SHANK2: variants seen among roughly 807,000 people sequenced by gnomAD.
SHANK2 encodes SH3 and multiple ankyrin repeat domains protein 2.
SHANK2 carries 43 observed loss-of-function variants against 133.7 expected under a neutral mutation model. That is an observed-to-expected ratio of 0.32 (90% confidence interval 0.25 to 0.41). The LOEUF is 0.41. SHANK2 is among the 10% of genes least tolerant of loss of function. The probability of loss-of-function intolerance (pLI) is 1.00; values close to 1 mark genes in which losing one functional copy is unlikely to be tolerated. For synonymous variants in SHANK2, 1,017 were observed against 952.8 expected, an observed-to-expected ratio of 1.07 and a Z score of -1.24; for missense variants, 1,994 against 2,235.8, an observed-to-expected ratio of 0.89 and a Z score of 2.18.
intron 17 of SHANK2, among the ~76,000 whole-genome samples, chr11:70,601,301 C>G (rs1264444261): frequency 6.6e-6 from 1 of 151,496 alleles, no homozygotes; most frequent in Non-Finnish European, 1.5e-5. Context: ...CTCACTGCAA[C>G]CTTTGCCTCC....
At position 71,175,588 on chromosome 11, in the gene SHANK2, G is replaced by GAC. The variant is rs1953423823; in HGVS notation, c.-12-28251_-12-28250insGT. On this transcript the variant is annotated intron_variant, in intron 2 of 25. Transcript: ENST00000601538. This position sits in a 1 kb window ranked among gnomAD's most constrained non-coding sequence, Gnocchi z 4.2. ...AGAGAGAGAGAGAGAGAGAGAGAGAGAGAGAGAGAGAGAGACAGAGACAGA... is the reference window on the plus strand; with the variant it reads ...AGAGAGAGAGAGAGAGAGAGAGAGAGACAGAGAGAGAGAGAGACAGAGACAGA... 6.8e-6 allele frequency among the ~76,000 whole-genome samples: 1 copy of GAC among 146,528 alleles called. No homozygotes were observed. The highest frequency in any genetic ancestry group is 1.5e-5 in the Non-Finnish European group (1 of 66,558).
chr11:70,947,007 C>T (rs898662164), intron 10 of SHANK2, among the ~76,000 whole-genome samples: 6 of 151,670 alleles, frequency 4.0e-5, no homozygotes, highest in Admixed American at 6.6e-5. Flanking sequence ...CCTCCCTCTC[C>T]GCTAACCAAC....
In SHANK2 at chr11:70,820,353, C is replaced by T. The variant is rs1555055493; in HGVS notation, c.1493+11G>A. On this transcript the variant is annotated intron_variant, in intron 12 of 25. Transcript: ENST00000601538. ...GCGGTCTTCCTTCCCTTGGCGTCTG[C>T]CACTCCTTACCCGACATGCCAGAGA... is the stretch of plus-strand genomic sequence containing the variant. 8.2e-6 allele frequency: 5 copies of T among 612,200 alleles called. No individual in the cohort carries two copies. The highest frequency in any genetic ancestry group is 1.5e-5 in the Non-Finnish European group (5 of 330,448). 37.9% of individuals were successfully genotyped at this position (612,200 alleles called of 1,614,324 possible). A position where few individuals can be genotyped will look rare whatever the true frequency, so the allele number is the denominator to read the frequency against.
At chr11:71,106,928 T>C (rs1951810693) in intron 6 of SHANK2, among the ~76,000 whole-genome samples, 1 of 152,008 alleles carries the variant, frequency 6.6e-6, no homozygotes, top group Non-Finnish European at 1.5e-5. Flanking sequence ...GTTTGAGACC[T>C]GCCTGGGCAA....
chr11:70,491,422 G>T (rs1438801798), intron 22 of SHANK2, among the ~76,000 whole-genome samples: 2 of 152,252 alleles, frequency 1.3e-5, no homozygotes, highest in Non-Finnish European at 2.9e-5. Context: ...GGCAGGCAGG[G>T]CCTGGAGGGG....
rs571488360 is a variant in SHANK2, at chr11:70,563,615, C to T, written c.2062-60684G>A. On this transcript the variant is annotated intron_variant, in intron 17 of 25. Transcript: ENST00000601538. ...GTGCAATGGTGTGATCTTGGCTCACCGCAACCTCCGCCTCCTGGATTCAAG... is the reference window on the plus strand; with the variant it reads ...GTGCAATGGTGTGATCTTGGCTCACTGCAACCTCCGCCTCCTGGATTCAAG... 1.4e-3 allele frequency among the ~76,000 whole-genome samples: 211 copies of T among 148,492 alleles called. 1 individual carries two copies. Among genetic ancestry groups the T allele is most frequent in the Middle Eastern group, 3.5e-3 (1 of 284 alleles).
intron 10 of SHANK2, among the ~76,000 whole-genome samples, chr11:70,917,667 C>T (rs558908563): frequency 6.6e-4 from 100 of 152,268 alleles, no homozygotes; most frequent in African/African-American, 2.1e-3. Context: ...TGGAATACTA[C>T]GCAGCCATAA....
rs112928706 is a variant in SHANK2 at position 70,655,939 on chromosome 11, G to C, written c.2061+3889C>G. On this transcript the variant is annotated intron_variant, in intron 17 of 25. Coordinates refer to ENST00000601538, the MANE Select transcript of SHANK2 (RefSeq NM_012309.5). Reference sequence around the variant, plus strand: ...GATTCAGGGCGTGTGGGCTGGAGACGAGGTTTCTATAACCCTCAGGTGACT... The same window carrying C: ...GATTCAGGGCGTGTGGGCTGGAGACCAGGTTTCTATAACCCTCAGGTGACT... Among the ~76,000 whole-genome samples the C allele has an allele frequency of 5.3e-5, 8 of 152,256 alleles. 1 individual carries two copies. The highest frequency in any genetic ancestry group is 1.9e-4 in the African/African-American group (8 of 41,536).
At chr11:71,140,031 G>A (rs1167799334) in intron 3 of SHANK2, among the ~76,000 whole-genome samples, 3 of 152,176 alleles carry the variant, frequency 2.0e-5, no homozygotes, top group Admixed American at 6.5e-5. Flanking sequence ...AGACTCACTC[G>A]GCAGCTCCTG....
chr11:70,625,511 T>C lies in SHANK2; in HGVS notation c.2061+34317A>G, dbSNP rs2060892659. 1.3e-5 allele frequency among the ~76,000 whole-genome samples: 2 copies of C among 152,132 alleles called. 1 individual carries two copies. The highest frequency in any genetic ancestry group is 2.9e-5 in the Non-Finnish European group (2 of 68,034). On this transcript the variant is annotated intron_variant, in intron 17 of 25. Transcript: ENST00000601538. The stretch of plus-strand genomic sequence containing the variant: ...GACACATACATCAGGCAGGATATTC[T>C]GGGAGCCCAGAGACCACCTCCCAGG...
upstream of SHANK2, among the ~76,000 whole-genome samples, chr11:71,253,205 C>A (rs1948218431): frequency 6.6e-6 from 1 of 152,138 alleles, no homozygotes; most frequent in South Asian, 2.1e-4. Context: ...GCCAAAGGCA[C>A]CCTCCGGAGA....
chr11:71,144,156 G>A (rs1248193401), intron 3 of SHANK2, among the ~76,000 whole-genome samples: 2 of 152,164 alleles, frequency 1.3e-5, no homozygotes, highest in African/African-American at 4.8e-5. Context: ...GACAGTGACA[G>A]TGTGAAACAA....
chr11:70,659,699 G>A, intron 17 of SHANK2, 129 bp downstream of exon 17: 1 of 1,154,248 alleles, frequency 8.7e-7, no homozygotes, highest in Admixed American at 2.0e-5. Context: ...ACTGACCAAT[G>A]AAAGTTCATG....
intron 14 of SHANK2, among the ~76,000 whole-genome samples, chr11:70,761,746 A>G (rs1031651240): frequency 6.6e-6 from 1 of 152,256 alleles, no homozygotes; most frequent in African/African-American, 2.4e-5. Context: ...GACCATGCCC[A>G]TGCTGTGCTC....
chr11:71,155,239 C>T (rs1394950792), intron 2 of SHANK2, among the ~76,000 whole-genome samples: 2 of 131,476 alleles, frequency 1.5e-5, no homozygotes, highest in Non-Finnish European at 3.2e-5. Flanking sequence ...CCCCAGCCCA[C>T]GCTCCCGGAG....
intron 14 of SHANK2, among the ~76,000 whole-genome samples, chr11:70,774,924 C>T (rs1007484938): frequency 6.6e-6 from 1 of 152,006 alleles, no homozygotes; most frequent in Non-Finnish European, 1.5e-5. Context: ...TTTGCAAGGA[C>T]GAGGTAGGAG....
chr11:70,702,899 T>G lies in SHANK2; in HGVS notation c.1778-4136A>C, dbSNP rs553376398. ...TATTTCATCTTTAAAAGGATGATGATAGTAACAGTCCCTCCTTAAAGGGGA... is the reference window on the plus strand; with the variant it reads ...TATTTCATCTTTAAAAGGATGATGAGAGTAACAGTCCCTCCTTAAAGGGGA... On this transcript the variant is annotated intron_variant, in intron 14 of 25. Transcript: ENST00000601538. Among the ~76,000 whole-genome samples, 14 of 152,322 alleles carry G rather than the reference T, an allele frequency of 9.2e-5. No homozygotes were observed. In the South Asian group the frequency reaches 2.9e-3, roughly 32 times the overall value.
At chr11:70,548,304 C>T (rs1275682216) in intron 17 of SHANK2, among the ~76,000 whole-genome samples, 1 of 152,260 alleles carries the variant, frequency 6.6e-6, no homozygotes, top group East Asian at 1.9e-4. Flanking sequence ...CGTGCACACA[C>T]AGCCATCTCT....
chr11:70,725,441 C>T (rs1055488290), intron 14 of SHANK2, among the ~76,000 whole-genome samples: 1 of 152,208 alleles, frequency 6.6e-6, no homozygotes, highest in South Asian at 2.1e-4. Context: ...GTGGCCCAGA[C>T]CCGCTCCTCC....
Sources: gnomAD v4.1 joint callset for allele counts (sites outside exome capture counted in the v4.1 genomes callset) on GRCh38, gnomAD v4.1.1 for gene constraint, Gnocchi (gnomAD v3.1) non-coding constraint, MANE v1.5 for transcripts, NCBI Gene and HGNC (gene_info 2026-07-23, HGNC 2026-07-21) for gene names.